TLDC2: variants seen among roughly 807,000 people sequenced by gnomAD.
The protein encoded by TLDC2 is TBC/LysM-associated domain containing 2.
TLDC2 carries 23 observed loss-of-function variants against 27.9 expected under a neutral mutation model. The observed-to-expected ratio is 0.82, with a 90% CI of 0.59 to 1.17. The LOEUF (loss-of-function observed/expected upper bound fraction) is 1.17, where lower values mean the gene tolerates loss of function less well. Ranked by LOEUF, TLDC2 falls within the 50% of genes most tolerant of loss-of-function variation. The pLI, the probability that TLDC2 is intolerant of heterozygous loss-of-function variation, is 0.00. For missense variants in TLDC2, 286 were observed against 273.4 expected (o/e 1.05, Z -0.32); for synonymous variants, 124 against 107.4 (o/e 1.16, Z -0.96).
rs373286560 is a variant in TLDC2, at chr20:36,876,265, C to T, written c.33+58C>T. ...TGGGAGGTGAAAGGAGGTGAGGTCTCTGGCAGGGTGGGGCCTGGGCTAGGG... is the reference window on the plus strand; with the variant it reads ...TGGGAGGTGAAAGGAGGTGAGGTCTTTGGCAGGGTGGGGCCTGGGCTAGGG... On this transcript the variant is annotated intron_variant, in intron 1 of 6. Transcript: ENST00000217320. The T allele has an allele frequency of 7.1e-5, 115 of 1,610,848 alleles. 1 individual carries two copies. Among genetic ancestry groups the T allele is most frequent in the Middle Eastern group, 5.0e-4 (3 of 6,052 alleles).
chr20:36,889,470 C>T, intron 6 of TLDC2, 67 bp downstream of exon 6: 5 of 1,527,264 alleles, frequency 3.3e-6, no homozygotes, highest in Non-Finnish European at 4.4e-6. Flanking sequence ...CTGTTTGAAA[C>T]ACAGATGGTG....
At chr20:36,886,473 G>A (rs1031303622) in intron 4 of TLDC2, among the ~76,000 whole-genome samples, 1 of 152,160 alleles carries the variant, frequency 6.6e-6, no homozygotes, top group Admixed American at 6.6e-5. Flanking sequence ...CGTGCCTGTA[G>A]TCCCAGCCAC....
chr20:36,882,528 T>TA (rs1027326254), intron 4 of TLDC2, among the ~76,000 whole-genome samples: 9 of 145,948 alleles, frequency 6.2e-5, no homozygotes, highest in Non-Finnish European at 9.1e-5. Flanking sequence ...TGCTGTCTCT[T>TA]AAAAAAAATT....
Position 36,877,946 on chromosome 20 carries a change from G to A in TLDC2, c.81G>A (p.Glu27=), listed in dbSNP as rs757620717. ...DTLSGEEGNE[E]EEEEEAAPDP... is the part of the protein sequence containing the mutation. ...TGTCTGGGGAGGAGGGTAACGAAGA[G>A]GAAGAGGAGGAGGAGGCAGCTCCAG... is the stretch of plus-strand genomic sequence containing the variant. Residue 27 remains glutamate (E), a synonymous_variant, in exon 2 of 7, where the codon GAG becomes GAA. Coordinates refer to ENST00000217320, the MANE Select transcript of TLDC2 (RefSeq NM_080628.3). The A allele has an allele frequency of 2.5e-6, 4 of 1,614,106 alleles. No individual in the cohort carries two copies. The Admixed American group carries it at 5.0e-5, about 20-fold the overall frequency.
intron 4 of TLDC2, among the ~76,000 whole-genome samples, chr20:36,887,031 G>T (rs1011211199): frequency 8.5e-5 from 13 of 152,078 alleles, no homozygotes; most frequent in Non-Finnish European, 4.4e-5. Flanking sequence ...CGGCAGGCCC[G>T]CTGTGTCTAG....
At chr20:36,879,277 C>A in intron 3 of TLDC2, 84 bp downstream of exon 3, 2 of 1,492,082 alleles carry the variant, frequency 1.3e-6, no homozygotes, top group Non-Finnish European at 1.8e-6. Flanking sequence ...AGCTCAGGGA[C>A]AAGCAGGCAG....
intron 4 of TLDC2, among the ~76,000 whole-genome samples, chr20:36,887,239 G>C (rs1265405532): frequency 6.6e-6 from 1 of 152,064 alleles, no homozygotes; most frequent in East Asian, 1.9e-4. Flanking sequence ...AGGCTTCTAG[G>C]CTGTAGGAAT....
intron 3 of TLDC2, among the ~76,000 whole-genome samples, chr20:36,879,945 A>G (rs923056166): frequency 2.0e-5 from 3 of 150,806 alleles, no homozygotes; most frequent in Non-Finnish European, 4.4e-5. Flanking sequence ...GAAACATACC[A>G]AAATATTAAG....
intron 4 of TLDC2, among the ~76,000 whole-genome samples, chr20:36,886,313 G>A (rs989904724): frequency 3.9e-5 from 6 of 152,114 alleles, no homozygotes; most frequent in African/African-American, 1.4e-4. Context: ...ATTTGTTTTA[G>A]GGCCGGGCGC....
chr20:36,883,345 C>T (rs771369907), intron 4 of TLDC2, among the ~76,000 whole-genome samples: 9 of 151,992 alleles, frequency 5.9e-5, no homozygotes, highest in Non-Finnish European at 1.3e-4. Context: ...CTATGTTGCC[C>T]AGGCTGGTTT....
chr20:36,889,339 C>T lies in TLDC2; in HGVS notation c.601C>T (p.Gln201Ter). The T allele has an allele frequency of 6.2e-7, 1 of 1,614,202 alleles. No individual in the cohort carries two copies. The highest frequency in any genetic ancestry group is 2.2e-5 in the East Asian group (1 of 44,894). ...CTTCAACAACGAGGTGCTGGCCCGG[C>T]AGGAGCAGTTCTGCATCCAGGAGCT... ...PTFNNEVLARQEQFCIQELEA... is the reference protein window; with the variant it reads ...PTFNNEVLAR The change falls in exon 6 of 7, where the codon CAG becomes TAG. Residue 201 changes from glutamine (Q) to a stop codon, truncating the protein, a stop_gained. Coordinates refer to ENST00000217320, the MANE Select transcript of TLDC2 (RefSeq NM_080628.3). LOFTEE classifies it high-confidence loss of function.
chr20:36,880,528 C>T (rs116897774), intron 3 of TLDC2, 127 bp from the exon 4 acceptor site: 13,105 of 694,184 alleles, frequency 0.019, 170 homozygotes, highest in Non-Finnish European at 0.027. Flanking sequence ...AGCCCCCATG[C>T]CCCAGCTCTG....
In TLDC2 at chr20:36,876,552, C is replaced by T. The variant is rs146529747; in HGVS notation, c.33+345C>T. 2.6e-3 allele frequency among the ~76,000 whole-genome samples: 402 copies of T among 152,332 alleles called. 1 individual carries two copies. The highest frequency in any genetic ancestry group is 3.5e-3 in the Non-Finnish European group (235 of 68,030). On this transcript the variant is annotated intron_variant, in intron 1 of 6. Coordinates refer to ENST00000217320, the MANE Select transcript of TLDC2 (RefSeq NM_080628.3). Reference sequence around the variant, plus strand: ...AGGAGAGGGGGTCCTGTCCATCTCTCAGCCCTTGAGAGGTCTCTTCTTCCT... The same window carrying T: ...AGGAGAGGGGGTCCTGTCCATCTCTTAGCCCTTGAGAGGTCTCTTCTTCCT...
intron 5 of TLDC2, 111 bp from the exon 6 acceptor site, chr20:36,889,140 G>C: frequency 6.7e-7 from 1 of 1,492,372 alleles, no homozygotes; most frequent in Non-Finnish European, 9.1e-7. Context: ...CGATAAGACA[G>C]GTGAAACTGG....
Position 36,893,174 on chromosome 20 carries a change from G to T in TLDC2, c.*330G>T. 7.3e-7 allele frequency: 1 copy of T among 1,375,036 alleles called. No individual in the cohort carries two copies. Among genetic ancestry groups the T allele is most frequent in the Non-Finnish European group, 1.0e-6 (1 of 983,442 alleles). The allele number at this position is 1,375,036 out of a possible 1,614,324, so 85.2% of individuals were successfully genotyped here. A position where few individuals can be genotyped will look rare whatever the true frequency, so the allele number is the denominator to read the frequency against. On this transcript the variant is annotated 3_prime_UTR_variant, in exon 7 of 7. Coordinates refer to ENST00000217320, the MANE Select transcript of TLDC2 (RefSeq NM_080628.3). ...CACATCCTCATCTTGCATATAGATT[G>T]CTTCTAGCTGTCCTCAATCCAGGGA...
At chr20:36,883,385 C>T (rs1295067695) in intron 4 of TLDC2, among the ~76,000 whole-genome samples, 3 of 152,050 alleles carry the variant, frequency 2.0e-5, no homozygotes, top group Non-Finnish European at 2.9e-5. Flanking sequence ...GATCTGCCAG[C>T]CTCCACCTCC....
At chr20:36,891,084 G>A (rs778016497) in intron 6 of TLDC2, 4 of 152,224 alleles carry the variant, frequency 2.6e-5, no homozygotes, top group Non-Finnish European at 2.9e-5. Flanking sequence ...ATGACCTAGT[G>A]CCATGGCTGA....
Position 36,894,055 on chromosome 20 carries a change from C to G in TLDC2, c.*1211C>G. ...CAGGTGGCCCCAGCTCCTGGACTCC[C>G]ACCTGCTCCCTTGGTCTCTCCTATC... On this transcript the variant is annotated 3_prime_UTR_variant, in exon 7 of 7. Transcript: ENST00000217320. The G allele has an allele frequency of 2.5e-6, 1 of 397,042 alleles. No individual in the cohort carries two copies. The highest frequency in any genetic ancestry group is 6.3e-4 in the Middle Eastern group (1 of 1,580). The allele number at this position is 397,042 out of a possible 1,614,324, so 24.6% of individuals were successfully genotyped here. A position where few individuals can be genotyped will look rare whatever the true frequency, so the allele number is the denominator to read the frequency against.
chr20:36,894,031 A>G lies in TLDC2; in HGVS notation c.*1187A>G. The G allele has an allele frequency of 2.5e-6, 1 of 397,516 alleles. No homozygotes were observed. The highest frequency in any genetic ancestry group is 4.4e-6 in the Non-Finnish European group (1 of 225,496). The allele number at this position is 397,516 out of a possible 1,614,324, so 24.6% of individuals were successfully genotyped here. A position where few individuals can be genotyped will look rare whatever the true frequency, so the allele number is the denominator to read the frequency against. On this transcript the variant is annotated 3_prime_UTR_variant, in exon 7 of 7. Transcript: ENST00000217320. ...ACTATTCTGTGGTTCTAGCTTTTGC[A>G]GGTGGCCCCAGCTCCTGGACTCCCA...
Sources: allele counts gnomAD v4.1 joint callset (sites outside exome capture counted in the v4.1 genomes callset), GRCh38; gene constraint gnomAD v4.1.1; transcripts MANE v1.5; gene names NCBI Gene and HGNC (gene_info 2026-07-23, HGNC 2026-07-21).